KCNIP4: variants seen among roughly 807,000 people sequenced by gnomAD.
The protein encoded by KCNIP4 is potassium voltage-gated channel interacting protein 4.
Under a neutral mutation model 34.0 loss-of-function variants are expected in KCNIP4, and 12 were observed. The observed-to-expected ratio is 0.35, with a 90% confidence interval of 0.23 to 0.57. KCNIP4 has a LOEUF of 0.57. KCNIP4 is among the 20% of genes least tolerant of loss of function. KCNIP4 has a pLI of 0.83. For missense variants in KCNIP4, 238 were observed against 311.7 expected (o/e 0.76, Z 1.78); for synonymous variants, 124 against 102.2 (o/e 1.21, Z -1.29).
At chr4:20,952,640 ATAC>A (rs1732896670) in intron 1 of KCNIP4, among the ~76,000 whole-genome samples, 1 of 152,250 alleles carries the variant, frequency 6.6e-6, no homozygotes, top group Non-Finnish European at 1.5e-5. Context: ...ACCTGACTTT[ATAC>A]CACTTTTGAA....
At chr4:20,796,351 C>T (rs201182168) in intron 3 of KCNIP4, among the ~76,000 whole-genome samples, 38 of 152,162 alleles carry the variant, frequency 2.5e-4, no homozygotes, top group East Asian at 1.2e-3. Context: ...CTCTGTTGCC[C>T]GGGCTGGAGT....
intron 1 of KCNIP4, among the ~76,000 whole-genome samples, chr4:21,608,506 C>T (rs181614455): frequency 2.6e-5 from 4 of 152,122 alleles, no homozygotes; most frequent in East Asian, 3.9e-4. Flanking sequence ...CAATGGTGGC[C>T]GAGTCCTTCT....
chr4:21,047,112 T>C (rs1742496419), intron 1 of KCNIP4, among the ~76,000 whole-genome samples: 1 of 152,240 alleles, frequency 6.6e-6, no homozygotes, highest in African/African-American at 2.4e-5. Context: ...TGAAAACATA[T>C]TATCTTCTCA....
chr4:20,755,057 C>A (rs1754269999), intron 4 of KCNIP4, among the ~76,000 whole-genome samples: 1 of 152,084 alleles, frequency 6.6e-6, no homozygotes, highest in African/African-American at 2.4e-5. Flanking sequence ...ACAGTGAACT[C>A]ATTATAATCC....
chr4:21,544,221 G>T (rs965765869), intron 1 of KCNIP4, among the ~76,000 whole-genome samples: 23 of 151,410 alleles, frequency 1.5e-4, no homozygotes, highest in African/African-American at 5.3e-4. Context: ...CCTAGAGTCA[G>T]CCTATGAGAA....
At position 21,797,885 on chromosome 4, in the gene KCNIP4, C is replaced by T. The variant is rs1720725373; in HGVS notation, c.61+150686G>A. 2.0e-5 allele frequency among the ~76,000 whole-genome samples: 3 copies of T among 152,064 alleles called. No individual in the cohort carries two copies. In the South Asian group the frequency reaches 6.2e-4, roughly 32 times the overall value. On this transcript the variant is annotated intron_variant, in intron 1 of 8. Transcript: ENST00000382152. ...CTCTGGTAAGGTTCCCATGTCATTC[C>T]TAATGTCACTATATATATGAGGCCA...
intron 1 of KCNIP4, among the ~76,000 whole-genome samples, chr4:20,951,177 G>T (rs1253234359): frequency 1.3e-5 from 2 of 152,012 alleles, no homozygotes; most frequent in African/African-American, 4.8e-5. Flanking sequence ...ATCATGTGAG[G>T]ACACAGTGGG....
intron 1 of KCNIP4, among the ~76,000 whole-genome samples, chr4:21,454,681 C>T (rs1014548368): frequency 1.3e-5 from 2 of 152,100 alleles, no homozygotes; most frequent in African/African-American, 2.4e-5. Context: ...CAGTAGTTTT[C>T]TAGCACAAAT....
intron 1 of KCNIP4, among the ~76,000 whole-genome samples, chr4:21,755,243 C>T: frequency 6.6e-6 from 1 of 152,166 alleles, no homozygotes. Context: ...TCAACCTCAA[C>T]TTTCATATCT....
intron 1 of KCNIP4, among the ~76,000 whole-genome samples, chr4:21,821,713 T>C (rs1722362387): frequency 6.6e-6 from 1 of 152,168 alleles, no homozygotes; most frequent in South Asian, 2.1e-4. Flanking sequence ...TACCCGGTTG[T>C]CAATAATGAT....
chr4:21,739,984 A>G (rs1716287533), intron 1 of KCNIP4, among the ~76,000 whole-genome samples: 1 of 152,138 alleles, frequency 6.6e-6, no homozygotes, highest in South Asian at 2.1e-4. Context: ...AATTGGTTTT[A>G]ATCTCTGTAT....
chr4:21,547,880 AAT>A (rs58970882), intron 1 of KCNIP4, among the ~76,000 whole-genome samples: 54,204 of 151,714 alleles, frequency 0.36, 9,971 homozygotes, highest in South Asian at 0.52. Context: ...GACTTTATAA[AAT>A]ATTTTAATAA....
chr4:21,792,045 C>T (rs958986472), intron 1 of KCNIP4, among the ~76,000 whole-genome samples: 2 of 142,744 alleles, frequency 1.4e-5, no homozygotes, highest in African/African-American at 2.6e-5. Flanking sequence ...CTCATAGGCA[C>T]TCTTCATCCC....
intron 1 of KCNIP4, among the ~76,000 whole-genome samples, chr4:20,927,373 T>C (rs1294667402): frequency 6.6e-6 from 1 of 152,070 alleles, no homozygotes; most frequent in African/African-American, 2.4e-5. Flanking sequence ...TTTTAGGGAG[T>C]GGCAAAAGAA....
At position 21,150,287 on chromosome 4, in the gene KCNIP4, G is replaced by A. The variant is rs943305972; in HGVS notation, c.62-267578C>T. ...TAAGGATAATGGGAGTGTTAATGAG[G>A]GTAATGCTTGGCTCCATTTGTCATC... is the stretch of plus-strand genomic sequence containing the variant. On this transcript the variant is annotated intron_variant, in intron 1 of 8. Coordinates refer to ENST00000382152, the MANE Select transcript of KCNIP4 (RefSeq NM_025221.6). Among the ~76,000 whole-genome samples the A allele has an allele frequency of 2.8e-5, 4 of 144,926 alleles. 1 individual carries two copies. Among genetic ancestry groups the A allele is most frequent in the African/African-American group, 5.8e-5 (2 of 34,712 alleles).
chr4:21,635,817 C>T (rs930542138), intron 1 of KCNIP4, among the ~76,000 whole-genome samples: 9 of 151,656 alleles, frequency 5.9e-5, no homozygotes, highest in African/African-American at 2.2e-4. Context: ...ATAAATCATG[C>T]TGCTATAAAG....
chr4:21,057,196 T>G (rs962793486), intron 1 of KCNIP4, among the ~76,000 whole-genome samples: 1 of 152,140 alleles, frequency 6.6e-6, no homozygotes, highest in Non-Finnish European at 1.5e-5. Flanking sequence ...AGGACCATGT[T>G]TACAATGCGT....
intron 2 of KCNIP4, among the ~76,000 whole-genome samples, chr4:20,866,964 T>A (rs1430853623): frequency 6.6e-6 from 1 of 151,750 alleles, no homozygotes; most frequent in African/African-American, 2.4e-5. Context: ...AGGTGAAAGA[T>A]CTCCACAAGG....
chr4:21,834,123 G>C (rs1723170736), intron 1 of KCNIP4, among the ~76,000 whole-genome samples: 1 of 152,218 alleles, frequency 6.6e-6, no homozygotes, highest in South Asian at 2.1e-4. Flanking sequence ...TTCCAATTCT[G>C]TGAAGAAAGT....
Sources: gnomAD v4.1 joint callset for allele counts (sites outside exome capture counted in the v4.1 genomes callset) on GRCh38, gnomAD v4.1.1 for gene constraint, MANE v1.5 for transcripts, NCBI Gene and HGNC (gene_info 2026-07-23, HGNC 2026-07-21) for gene names.